Variants in FANCD2 observed in about 807,000 individuals in gnomAD.
FANCD2 encodes the protein Fanconi anemia group D2 protein.
FANCD2 carries 131 observed loss-of-function variants against 192.3 expected under a neutral mutation model. The observed-to-expected ratio is 0.68, with a 90% confidence interval of 0.59 to 0.79. The LOEUF (loss-of-function observed/expected upper bound fraction) is 0.79. Among genes scored for constraint, FANCD2 ranks in the 30% least tolerant of loss-of-function variants. The pLI is 0.00. For missense variants in FANCD2, 1,508 were observed against 1,701.6 expected (o/e 0.89, Z 2.00); for synonymous variants, 524 against 612.5 (o/e 0.86, Z 2.13).
intron 3 of FANCD2, among the ~76,000 whole-genome samples, chr3:10,033,698 C>CTTTTTTTTTTTTTT (rs34115008): frequency 1.1e-5 from 1 of 89,378 alleles, no homozygotes; most frequent in Non-Finnish European, 2.0e-5. Flanking sequence ...AAAGCTAAGT[C>CTTTTTTTTTTTTTT]TTTTTTTTTT....
At position 10,041,614 on chromosome 3, in the gene FANCD2, C is replaced by T. The variant is rs745320152; in HGVS notation, c.696-9C>T. ...TTATACAACTTTTTTCTTTTTCTAC[C>T]ATTCACAGTGACCTACTGATAGAGA... On this transcript the variant is annotated splice_polypyrimidine_tract_variant and intron_variant, in intron 9 of 43. Coordinates refer to ENST00000675286, the MANE Select transcript of FANCD2 (RefSeq NM_001018115.3). The T allele has an allele frequency of 3.1e-6, 5 of 1,599,628 alleles. No homozygotes were observed. The highest frequency in any genetic ancestry group is 3.4e-6 in the Non-Finnish European group (4 of 1,167,104).
At chr3:10,071,282 A>C (rs1334366036) in intron 26 of FANCD2, among the ~76,000 whole-genome samples, 1 of 152,204 alleles carries the variant, frequency 6.6e-6, no homozygotes, top group Non-Finnish European at 1.5e-5. Context: ...AACAGTTTGG[A>C]GTTTCCTCAA....
intron 2 of FANCD2, among the ~76,000 whole-genome samples, chr3:10,031,214 G>A (rs1374444318): frequency 1.3e-5 from 2 of 151,786 alleles, no homozygotes; most frequent in African/African-American, 4.8e-5. Flanking sequence ...TTAGAAAGAG[G>A]GAAAGGAGGC....
chr3:10,082,428 T>G lies in FANCD2; in HGVS notation c.3224+964T>G, dbSNP rs560563367. Reference sequence around the variant, plus strand: ...GGCAGTAAGAGTGATCTTCCTAACATAAACCCAGTTTGATCCTATCCCAAT... The same window carrying G: ...GGCAGTAAGAGTGATCTTCCTAACAGAAACCCAGTTTGATCCTATCCCAAT... On this transcript the variant is annotated intron_variant, in intron 32 of 43. Transcript: ENST00000675286. Among the ~76,000 whole-genome samples, 7 of 152,318 alleles carry G rather than the reference T, an allele frequency of 4.6e-5. No individual in the cohort carries two copies. In the South Asian group the frequency reaches 1.4e-3, roughly 32 times the overall value.
intron 18 of FANCD2, among the ~76,000 whole-genome samples, chr3:10,053,547 A>G (rs1468901706): frequency 6.6e-6 from 1 of 151,790 alleles, no homozygotes; most frequent in African/African-American, 2.4e-5. Flanking sequence ...AATAAAATAA[A>G]ATAGAATAAA....
At chr3:10,031,360 G>A (rs34684179) in intron 2 of FANCD2, among the ~76,000 whole-genome samples, 10,165 of 152,078 alleles carry the variant, frequency 0.067, 623 homozygotes, top group African/African-American at 0.16. Flanking sequence ...AAAATTAGCC[G>A]GGCGTGGTGG....
At chr3:10,038,196 T>A (rs2086778350) in intron 7 of FANCD2, among the ~76,000 whole-genome samples, 1 of 152,222 alleles carries the variant, frequency 6.6e-6, no homozygotes, top group Admixed American at 6.5e-5. Context: ...TTCGCCATGT[T>A]GGCCAGGCTG....
chr3:10,031,177 C>T (rs2086582019), intron 2 of FANCD2, among the ~76,000 whole-genome samples: 1 of 152,060 alleles, frequency 6.6e-6, no homozygotes, highest in East Asian at 1.9e-4. Flanking sequence ...AGGTAGTGGT[C>T]TTTGTCTCAT....
intron 28 of FANCD2, among the ~76,000 whole-genome samples, chr3:10,073,977 A>C (rs929951485): frequency 3.3e-5 from 5 of 151,576 alleles, no homozygotes; most frequent in Non-Finnish European, 5.9e-5. Flanking sequence ...ATGGAGTCTC[A>C]CTCTGTCACC....
chr3:10,043,401 A>G, intron 12 of FANCD2, 83 bp from the exon 13 acceptor site: 1 of 1,114,712 alleles, frequency 9.0e-7, no homozygotes, highest in Non-Finnish European at 1.4e-6. Flanking sequence ...CATTTGCTCC[A>G]GGGTACATGG....
intron 29 of FANCD2, among the ~76,000 whole-genome samples, chr3:10,075,599 T>TCTCA (rs1693489588): frequency 6.6e-6 from 1 of 152,160 alleles, no homozygotes; most frequent in African/African-American, 2.4e-5. Flanking sequence ...TTTTCACAGA[T>TCTCA]AAAGTAACTT....
Position 10,085,930 on chromosome 3 carries a change from A to G in FANCD2, c.3335+8A>G, listed in dbSNP as rs747078545. On this transcript the variant is annotated splice_region_variant and intron_variant, in intron 33 of 43. Coordinates refer to ENST00000675286, the MANE Select transcript of FANCD2 (RefSeq NM_001018115.3). Reference sequence around the variant, plus strand: ...TTTGGAGGAACTACTCAGGTGAGTCATAACTACATAGCCAAGATTGTTGTC... The same window carrying G: ...TTTGGAGGAACTACTCAGGTGAGTCGTAACTACATAGCCAAGATTGTTGTC... The G allele has an allele frequency of 3.2e-6, 5 of 1,567,146 alleles. No homozygotes were observed. The highest frequency in any genetic ancestry group is 1.7e-5 in the Admixed American group (1 of 59,940).
chr3:10,100,009 C>T (rs1401459657), intron 43 of FANCD2, among the ~76,000 whole-genome samples: 1 of 151,972 alleles, frequency 6.6e-6, no homozygotes, highest in Non-Finnish European at 1.5e-5. Flanking sequence ...CAACCCGAGA[C>T]CCCATCTCTA....
intron 25 of FANCD2, among the ~76,000 whole-genome samples, chr3:10,066,703 T>G (rs1199613913): frequency 1.3e-5 from 2 of 152,126 alleles, no homozygotes; most frequent in African/African-American, 2.4e-5. Context: ...TAAGTAAAAC[T>G]AGGGTCACAA....
chr3:10,039,717 G>A lies in FANCD2; in HGVS notation c.571-4G>A, dbSNP rs1303248151. 1.1e-5 allele frequency: 17 copies of A among 1,613,890 alleles called. No individual in the cohort carries two copies. Among genetic ancestry groups the A allele is most frequent in the Middle Eastern group, 3.3e-4 (2 of 6,056 alleles). ...TGCAGTTCTAATAGTGTCTTCTACTGCAGGACCTCACCACCAAGATCATGC... is the reference window on the plus strand; with the variant it reads ...TGCAGTTCTAATAGTGTCTTCTACTACAGGACCTCACCACCAAGATCATGC... On this transcript the variant is annotated splice_region_variant and splice_polypyrimidine_tract_variant and intron_variant, in intron 8 of 43. Transcript: ENST00000675286.
chr3:10,098,891 A>G (rs1244284915), intron 43 of FANCD2, 76 bp downstream of exon 43: 3 of 1,614,080 alleles, frequency 1.9e-6, no homozygotes, highest in African/African-American at 2.7e-5. Flanking sequence ...GTGGAGCAGA[A>G]CTTTGCCTAC....
rs762793040 is a variant in FANCD2 at position 10,094,387 on chromosome 3, A to G, written c.3963+24A>G. The G allele has an allele frequency of 3.1e-6, 5 of 1,593,006 alleles. No individual in the cohort carries two copies. In the Middle Eastern group the frequency reaches 8.3e-4, roughly 265 times the overall value. On this transcript the variant is annotated intron_variant, in intron 40 of 43. Transcript: ENST00000675286. ...GGGTAAGAGCTAAGAGCAGAGAACA[A>G]AGATATGCACTGAAGAGTTGCTCAG... is the stretch of plus-strand genomic sequence containing the variant.
chr3:10,064,568 C>T, intron 22 of FANCD2, 139 bp downstream of exon 22: 2 of 1,246,542 alleles, frequency 1.6e-6, no homozygotes, highest in Non-Finnish European at 2.4e-6. Flanking sequence ...CCAACCCCAG[C>T]ACCCCTGCAC....
chr3:10,094,488 G>A, intron 40 of FANCD2, 125 bp downstream of exon 40: 1 of 834,404 alleles, frequency 1.2e-6, no homozygotes, highest in African/African-American at 1.7e-5. Flanking sequence ...TTCAGCTGTA[G>A]CCAGAGATCC....
Sources: gnomAD v4.1 joint callset for allele counts (sites outside exome capture counted in the v4.1 genomes callset) on GRCh38, gnomAD v4.1.1 for gene constraint, MANE v1.5 for transcripts, NCBI Gene and HGNC (gene_info 2026-07-23, HGNC 2026-07-21) for gene names.